The following KBTBD12 variants were observed in gnomAD, a reference collection of about 807,000 sequenced individuals.
KBTBD12 encodes the protein kelch repeat and BTB domain containing 12.
In KBTBD12, 53 loss-of-function variants were observed where a neutral mutation model predicts 58.7. The observed-to-expected ratio is 0.90, with a 90% CI of 0.72 to 1.14. The LOEUF is 1.14. KBTBD12 is among the 50% of genes most tolerant of loss of function. The probability of loss-of-function intolerance (pLI) is 0.00; values close to 1 mark genes in which losing one functional copy is unlikely to be tolerated. For missense variants in KBTBD12, 704 were observed against 751.3 expected (o/e 0.94, Z 0.74); for synonymous variants, 236 against 259.8 (o/e 0.91, Z 0.88).
intron 5 of KBTBD12, among the ~76,000 whole-genome samples, chr3:127,980,720 G>A (rs900745070): frequency 1.3e-5 from 2 of 152,014 alleles, no homozygotes; most frequent in African/African-American, 4.8e-5. Context: ...TCAGCCATTG[G>A]GTTATTTTAA....
chr3:127,916,421 G>C (rs1384610439), intron 1 of KBTBD12, among the ~76,000 whole-genome samples: 1 of 152,070 alleles, frequency 6.6e-6, no homozygotes, highest in Non-Finnish European at 1.5e-5. Flanking sequence ...TAAACTGGGG[G>C]TCACAAACTT....
intron 4 of KBTBD12, among the ~76,000 whole-genome samples, chr3:127,940,458 CA>C (rs1237677333): frequency 6.6e-6 from 1 of 152,140 alleles, no homozygotes; most frequent in African/African-American, 2.4e-5. Flanking sequence ...TTGAGCAACT[CA>C]TTTCTAAATA....
At chr3:127,922,823 G>T in intron 1 of KBTBD12, 127 bp from the exon 2 acceptor site, 1 of 330,816 alleles carries the variant, frequency 3.0e-6, no homozygotes, top group Non-Finnish European at 5.5e-6. Flanking sequence ...AAAAGTAGTT[G>T]TCTTAAACTG....
intron 5 of KBTBD12, among the ~76,000 whole-genome samples, chr3:127,980,792 G>A (rs1377865336): frequency 6.6e-6 from 1 of 152,144 alleles, no homozygotes; most frequent in Non-Finnish European, 1.5e-5. Flanking sequence ...GATATATCAT[G>A]CTGCATGATT....
chr3:127,953,304 T>G (rs1194269738), intron 4 of KBTBD12, among the ~76,000 whole-genome samples: 1 of 152,214 alleles, frequency 6.6e-6, no homozygotes, highest in East Asian at 1.9e-4. Flanking sequence ...GGTCATTCTG[T>G]CCTCATGCGT....
chr3:127,930,285 T>C lies in KBTBD12; in HGVS notation c.1492+2T>C. ...TCAACAGTGAGATTTATGTTTTGGG[T>C]AAGAAGAAGCAGATTGCTAACAGTA... On this transcript the variant is annotated splice_donor_variant, in intron 4 of 5. Coordinates refer to ENST00000405109, the MANE Select transcript of KBTBD12 (RefSeq NM_207335.4). LOFTEE classifies it high-confidence loss of function. 1 of 1,610,698 alleles carries C rather than the reference T, an allele frequency of 6.2e-7. No homozygotes were observed. Among genetic ancestry groups the C allele is most frequent in the Non-Finnish European group, 8.5e-7 (1 of 1,178,252 alleles).
chr3:127,953,868 G>A (rs1940262683), intron 4 of KBTBD12, among the ~76,000 whole-genome samples: 1 of 152,184 alleles, frequency 6.6e-6, no homozygotes, highest in South Asian at 2.1e-4. Context: ...ACTGTAATTG[G>A]CTCTTCTGTT....
intron 4 of KBTBD12, among the ~76,000 whole-genome samples, chr3:127,957,405 G>C (rs1197256585): frequency 6.6e-6 from 1 of 152,130 alleles, no homozygotes; most frequent in Non-Finnish European, 1.5e-5. Flanking sequence ...TGTGGAATAG[G>C]TTTGACTAAT....
intron 4 of KBTBD12, among the ~76,000 whole-genome samples, chr3:127,957,674 A>G (rs1394269466): frequency 6.6e-6 from 1 of 152,162 alleles, no homozygotes; most frequent in Non-Finnish European, 1.5e-5. Context: ...TATAAGAAAA[A>G]AAGATACCTA....
Position 127,968,137 on chromosome 3 carries a change from G to A in KBTBD12, c.1690+4751G>A, listed in dbSNP as rs115840270. Reference sequence around the variant, plus strand: ...CTGGCATAAAAATGCTGATATACTAGTTGCTACTATTGCTATAACACTGTC... The same window carrying A: ...CTGGCATAAAAATGCTGATATACTAATTGCTACTATTGCTATAACACTGTC... On this transcript the variant is annotated intron_variant, in intron 5 of 5. Coordinates refer to ENST00000405109, the MANE Select transcript of KBTBD12 (RefSeq NM_207335.4). 6.8e-3 allele frequency among the ~76,000 whole-genome samples: 1,039 copies of A among 152,288 alleles called. 10 individuals carry two copies. The highest frequency in any genetic ancestry group is 0.023 in the African/African-American group (972 of 41,564).
intron 4 of KBTBD12, among the ~76,000 whole-genome samples, chr3:127,945,259 A>G (rs964331086): frequency 1.6e-5 from 2 of 127,086 alleles, no homozygotes; most frequent in African/African-American, 6.1e-5. Context: ...ATCTCGGCTC[A>G]CTGCAAGCTC....
chr3:127,945,495 A>T (rs1054893498), intron 4 of KBTBD12, among the ~76,000 whole-genome samples: 1 of 150,306 alleles, frequency 6.7e-6, no homozygotes, highest in African/African-American at 2.4e-5. Flanking sequence ...AATAGTAACT[A>T]TCTTAATGGT....
intron 5 of KBTBD12, among the ~76,000 whole-genome samples, chr3:127,981,809 G>C (rs1177227234): frequency 6.6e-6 from 1 of 152,088 alleles, no homozygotes; most frequent in African/African-American, 2.4e-5. Flanking sequence ...GAGTGGTGGC[G>C]GGTGCCTGTA....
intron 4 of KBTBD12, among the ~76,000 whole-genome samples, chr3:127,946,990 A>C (rs192698345): frequency 6.6e-6 from 1 of 151,774 alleles, no homozygotes; most frequent in Non-Finnish European, 1.5e-5. Context: ...CATAGATTCC[A>C]CTTATTTTGT....
intron 5 of KBTBD12, among the ~76,000 whole-genome samples, chr3:127,979,947 C>G (rs1013068449): frequency 6.6e-6 from 1 of 152,186 alleles, no homozygotes; most frequent in African/African-American, 2.4e-5. Context: ...AAAGGGTAGT[C>G]AAGTGCACAT....
chr3:127,973,014 T>G (rs552584541), intron 5 of KBTBD12, among the ~76,000 whole-genome samples: 1 of 152,326 alleles, frequency 6.6e-6, no homozygotes. Context: ...AATCACAGAC[T>G]AATTACAACA....
At chr3:127,931,807 CA>C (rs964944762) in intron 4 of KBTBD12, among the ~76,000 whole-genome samples, 5 of 150,648 alleles carry the variant, frequency 3.3e-5, no homozygotes, top group African/African-American at 1.2e-4. Flanking sequence ...TGGGAGGGGG[CA>C]AAAAAGAACA....
intron 5 of KBTBD12, among the ~76,000 whole-genome samples, chr3:127,973,423 G>T (rs948585029): frequency 6.6e-6 from 1 of 152,186 alleles, no homozygotes; most frequent in Non-Finnish European, 1.5e-5. Context: ...TTGGATGATG[G>T]TTTGAAAATA....
chr3:127,940,067 C>T (rs1291052205), intron 4 of KBTBD12, among the ~76,000 whole-genome samples: 2 of 152,004 alleles, frequency 1.3e-5, no homozygotes, highest in East Asian at 3.8e-4. Flanking sequence ...CATAACAATA[C>T]TAAATGTGTA....
Sources: allele counts gnomAD v4.1 joint callset (sites outside exome capture counted in the v4.1 genomes callset), GRCh38; gene constraint gnomAD v4.1.1; transcripts MANE v1.5; gene names NCBI Gene and HGNC (gene_info 2026-07-23, HGNC 2026-07-21).